Variants in LRBA observed in about 807,000 individuals in gnomAD.
LRBA encodes lipopolysaccharide-responsive and beige-like anchor protein.
In LRBA, 176 loss-of-function variants were observed where a neutral mutation model predicts 330.0. That is an observed-to-expected ratio of 0.53 (90% CI 0.47 to 0.60). The LOEUF (loss-of-function observed/expected upper bound fraction) is 0.60. LRBA is among the 20% of genes least tolerant of loss of function. LRBA has a pLI of 0.00. For synonymous variants in LRBA, 1,230 were observed against 1,193.0 expected, an observed-to-expected ratio of 1.03 and a Z score of -0.64; for missense variants, 3,259 against 3,444.8, an observed-to-expected ratio of 0.95 and a Z score of 1.35.
intron 36 of LRBA, among the ~76,000 whole-genome samples, chr4:150,730,669 T>G (rs1165768801): frequency 9.3e-5 from 8 of 85,584 alleles, no homozygotes; most frequent in East Asian, 3.0e-4. Context: ...CGTGACAGAG[T>G]GAGGCTCTGA....
chr4:150,352,447 T>C (rs1369667083), intron 47 of LRBA, among the ~76,000 whole-genome samples: 3 of 152,170 alleles, frequency 2.0e-5, no homozygotes, highest in Non-Finnish European at 2.9e-5. Context: ...TCTATGCAAT[T>C]CTCACATCCC....
intron 46 of LRBA, among the ~76,000 whole-genome samples, chr4:150,429,928 T>G (rs972078292): frequency 2.0e-5 from 3 of 152,172 alleles, no homozygotes; most frequent in Non-Finnish European, 2.9e-5. Flanking sequence ...ATATTAAATA[T>G]AGCAAATAAC....
chr4:150,647,352 C>CTTTTTTTTTTT (rs769403201), intron 37 of LRBA, among the ~76,000 whole-genome samples: 6 of 79,794 alleles, frequency 7.5e-5, no homozygotes, highest in South Asian at 5.9e-4. Flanking sequence ...ATTACTTTTT[C>CTTTTTTTTTTT]TTTTTTTTTT....
At chr4:150,474,623 T>C (rs1277881468) in intron 42 of LRBA, among the ~76,000 whole-genome samples, 3 of 152,176 alleles carry the variant, frequency 2.0e-5, no homozygotes, top group Non-Finnish European at 2.9e-5. Flanking sequence ...TCCATGAACA[T>C]GGAATGTCTC....
At chr4:150,384,023 A>C (rs976484819) in intron 47 of LRBA, among the ~76,000 whole-genome samples, 7 of 151,404 alleles carry the variant, frequency 4.6e-5, no homozygotes, top group Admixed American at 2.6e-4. Flanking sequence ...CAGTTTTTTT[A>C]TTTTTATTTT....
At chr4:150,966,621 C>T (rs1200714653) in intron 2 of LRBA, among the ~76,000 whole-genome samples, 1 of 151,970 alleles carries the variant, frequency 6.6e-6, no homozygotes, top group Admixed American at 6.6e-5. Flanking sequence ...CCACCGCGCC[C>T]GGCCGCTAGT....
intron 55 of LRBA, among the ~76,000 whole-genome samples, chr4:150,282,006 A>G (rs1475049248): frequency 6.6e-6 from 1 of 152,234 alleles, no homozygotes; most frequent in Non-Finnish European, 1.5e-5. Context: ...GCTGAAATTA[A>G]TAAACCTAAA....
At chr4:150,962,334 A>G (rs1452475445) in intron 2 of LRBA, among the ~76,000 whole-genome samples, 1 of 148,970 alleles carries the variant, frequency 6.7e-6, no homozygotes, top group African/African-American at 2.6e-5. Context: ...TCTGGGTAAC[A>G]TGGGGAAACC....
chr4:150,739,688 T>C (rs903277101), intron 35 of LRBA, among the ~76,000 whole-genome samples: 3 of 152,182 alleles, frequency 2.0e-5, no homozygotes, highest in Admixed American at 1.3e-4. Flanking sequence ...CGCTCTCCCT[T>C]AATGGCTTAG....
chr4:150,352,617 G>A (rs966403378), intron 47 of LRBA, among the ~76,000 whole-genome samples: 18 of 152,152 alleles, frequency 1.2e-4, no homozygotes, highest in African/African-American at 4.3e-4. Context: ...GAAATAAGAA[G>A]AGAGGAGCTT....
chr4:150,447,843 T>C (rs1752805398), intron 44 of LRBA, among the ~76,000 whole-genome samples: 1 of 152,232 alleles, frequency 6.6e-6, no homozygotes, highest in South Asian at 2.1e-4. Context: ...ATGGCAAAAC[T>C]ATGGTTCCAC....
At chr4:150,376,112 A>G (rs1480782486) in intron 47 of LRBA, among the ~76,000 whole-genome samples, 13 of 152,210 alleles carry the variant, frequency 8.5e-5, no homozygotes, top group Admixed American at 7.9e-4. Flanking sequence ...ATGCCTACCT[A>G]TATCTACAGG....
At chr4:150,814,817 G>T (rs1006748488) in intron 31 of LRBA, among the ~76,000 whole-genome samples, 1 of 151,944 alleles carries the variant, frequency 6.6e-6, no homozygotes, top group Non-Finnish European at 1.5e-5. Flanking sequence ...GCCAATAAAT[G>T]TAACAGTCTT....
chr4:150,809,146 A>T (rs1161167845), intron 31 of LRBA, among the ~76,000 whole-genome samples: 2 of 152,206 alleles, frequency 1.3e-5, no homozygotes, highest in African/African-American at 4.8e-5. Context: ...TCATATCTAT[A>T]TGAATTCATG....
intron 37 of LRBA, among the ~76,000 whole-genome samples, chr4:150,671,372 T>C (rs1237392524): frequency 2.0e-5 from 3 of 152,006 alleles, no homozygotes; most frequent in Non-Finnish European, 4.4e-5. Context: ...AGAGTGTAGA[T>C]GCTCTGAAAC....
In LRBA at chr4:150,416,967, T is replaced by C. The variant is rs572937184; in HGVS notation, c.7042-1377A>G. 2.4e-3 allele frequency among the ~76,000 whole-genome samples: 333 copies of C among 137,368 alleles called. 2 individuals are homozygous for C. The highest frequency in any genetic ancestry group is 7.8e-3 in the African/African-American group (308 of 39,532). 90.1% of individuals were successfully genotyped at this position (137,368 alleles called of 152,430 possible). ...AACTAAGGCTCAAAAAAGTGCTTTGTCCAACGTTACCAGTTGGACAAAATA... is the reference window on the plus strand; with the variant it reads ...AACTAAGGCTCAAAAAAGTGCTTTGCCCAACGTTACCAGTTGGACAAAATA... On this transcript the variant is annotated intron_variant, in intron 46 of 56. Coordinates refer to ENST00000651943, the MANE Select transcript of LRBA (RefSeq NM_001364905.1).
intron 46 of LRBA, among the ~76,000 whole-genome samples, chr4:150,422,094 CAA>C (rs1236296029): frequency 6.6e-6 from 1 of 151,972 alleles, no homozygotes; most frequent in Non-Finnish European, 1.5e-5. Context: ...CCCATCTCTA[CAA>C]AAAAAGTAAA....
chr4:150,432,586 T>C (rs1750580914), intron 46 of LRBA, among the ~76,000 whole-genome samples: 1 of 150,796 alleles, frequency 6.6e-6, no homozygotes, highest in South Asian at 2.1e-4. Flanking sequence ...GCCTCCCGAG[T>C]AGCTGGGACT....
intron 47 of LRBA, among the ~76,000 whole-genome samples, chr4:150,398,800 T>C (rs1285505433): frequency 6.6e-6 from 1 of 152,102 alleles, no homozygotes; most frequent in Non-Finnish European, 1.5e-5. Context: ...ATAAGTTTTT[T>C]TGTTTTTTGT....
Sources: gnomAD v4.1 joint callset for allele counts (sites outside exome capture counted in the v4.1 genomes callset) on GRCh38, gnomAD v4.1.1 for gene constraint, MANE v1.5 for transcripts, NCBI Gene and HGNC (gene_info 2026-07-23, HGNC 2026-07-21) for gene names.